The following JAZF1 variants were observed in gnomAD, a reference collection of about 807,000 sequenced individuals.
JAZF1 encodes the protein JAZF zinc finger 1, also known as juxtaposed with another zinc finger protein 1.
JAZF1 carries 8 observed loss-of-function variants against 26.4 expected under a neutral mutation model. That is an observed-to-expected ratio of 0.30 (90% CI 0.18 to 0.55). The LOEUF (loss-of-function observed/expected upper bound fraction) is 0.55. Among genes scored for constraint, JAZF1 ranks in the 20% least tolerant of loss-of-function variants. The pLI is 0.94. For synonymous variants in JAZF1, 126 were observed against 122.3 expected (o/e 1.03, Z -0.20); for missense variants, 199 against 322.0 (o/e 0.62, Z 2.92).
chr7:27,888,076 ATCT>A (rs1454443857), intron 3 of JAZF1, among the ~76,000 whole-genome samples: 2 of 152,258 alleles, frequency 1.3e-5, no homozygotes, highest in Admixed American at 6.5e-5. Context: ...ATATAGCAAC[ATCT>A]TCTCATTCTC....
chr7:27,992,362 T>G (rs1385634238), intron 1 of JAZF1: 2 of 354,802 alleles, frequency 5.6e-6, no homozygotes, highest in African/African-American at 4.4e-5. Flanking sequence ...ACAAATTAGT[T>G]TCCATTGGAA....
chr7:28,049,808 G>A (rs376320130), intron 1 of JAZF1, among the ~76,000 whole-genome samples: 14 of 152,266 alleles, frequency 9.2e-5, no homozygotes, highest in Middle Eastern at 3.4e-3. Flanking sequence ...GACGAGCTAT[G>A]GGAAAGAGGC....
intron 3 of JAZF1, among the ~76,000 whole-genome samples, chr7:27,865,454 T>A (rs1166572082): frequency 6.6e-6 from 1 of 152,158 alleles, no homozygotes; most frequent in East Asian, 1.9e-4. Flanking sequence ...AAAATGTAGT[T>A]CTTACTACTT....
intron 1 of JAZF1, among the ~76,000 whole-genome samples, chr7:28,139,110 T>C (rs930906813): frequency 2.6e-5 from 4 of 152,192 alleles, no homozygotes; most frequent in African/African-American, 7.2e-5. Context: ...TTGCCTGTAG[T>C]GACCTTGGTT....
chr7:28,018,015 G>A (rs908354747), intron 1 of JAZF1, among the ~76,000 whole-genome samples: 18 of 152,122 alleles, frequency 1.2e-4, no homozygotes, highest in Non-Finnish European at 1.9e-4. Context: ...CGGGTGATCC[G>A]CCCACCTCAG....
intron 1 of JAZF1, among the ~76,000 whole-genome samples, chr7:28,150,745 G>A (rs1783100309): frequency 6.6e-6 from 1 of 152,220 alleles, no homozygotes; most frequent in Non-Finnish European, 1.5e-5. Flanking sequence ...GTGTCCACCT[G>A]CTTCTCATGC....
At chr7:27,887,250 C>G (rs1467771902) in intron 3 of JAZF1, among the ~76,000 whole-genome samples, 2 of 152,032 alleles carry the variant, frequency 1.3e-5, no homozygotes, top group East Asian at 1.9e-4. Context: ...ATATAAGAAA[C>G]CTGCATTTGT....
At chr7:27,951,419 T>G (rs17156079) in intron 2 of JAZF1, among the ~76,000 whole-genome samples, 332 of 152,340 alleles carry the variant, frequency 2.2e-3, no homozygotes, top group African/African-American at 7.7e-3. Context: ...CTAAGGCATT[T>G]GCTGCCACAG....
intron 1 of JAZF1, among the ~76,000 whole-genome samples, chr7:28,103,487 T>G (rs1784505548): frequency 6.6e-6 from 1 of 152,062 alleles, no homozygotes; most frequent in African/African-American, 2.4e-5. Context: ...CCACTGAAGA[T>G]TATCATTTGG....
chr7:28,094,457 C>G (rs954483582), intron 1 of JAZF1, among the ~76,000 whole-genome samples: 1 of 152,218 alleles, frequency 6.6e-6, no homozygotes. Context: ...CCTATCCGCT[C>G]CGTAGCACGA....
At chr7:28,077,097 T>C (rs923229197) in intron 1 of JAZF1, among the ~76,000 whole-genome samples, 2 of 152,128 alleles carry the variant, frequency 1.3e-5, no homozygotes, top group Non-Finnish European at 2.9e-5. Flanking sequence ...ACAACGACAC[T>C]TACATTGGAA....
intron 2 of JAZF1, among the ~76,000 whole-genome samples, chr7:27,974,321 G>A (rs1233553916): frequency 6.6e-6 from 1 of 152,192 alleles, no homozygotes; most frequent in Non-Finnish European, 1.5e-5. Flanking sequence ...GAAACTTAGG[G>A]AGAGGCCACC....
intron 2 of JAZF1, among the ~76,000 whole-genome samples, chr7:27,976,344 C>CAAA (rs55992845): frequency 1.7e-4 from 14 of 80,450 alleles, no homozygotes; most frequent in East Asian, 3.6e-4. Context: ...GACTCCGTCT[C>CAAA]AAAAAAAAAA....
chr7:27,883,299 C>T (rs568020516), intron 3 of JAZF1, among the ~76,000 whole-genome samples: 3 of 152,278 alleles, frequency 2.0e-5, no homozygotes, highest in South Asian at 2.1e-4. Flanking sequence ...CACCACTAAC[C>T]GTGTTTCTAG....
At chr7:28,161,923 A>G (rs766325782) in intron 1 of JAZF1, among the ~76,000 whole-genome samples, 2 of 152,136 alleles carry the variant, frequency 1.3e-5, no homozygotes, top group Non-Finnish European at 2.9e-5. Flanking sequence ...CAAATAATAT[A>G]TAGTACCTCC....
At chr7:28,084,872 C>T (rs893520185) in intron 1 of JAZF1, among the ~76,000 whole-genome samples, 4 of 152,096 alleles carry the variant, frequency 2.6e-5, no homozygotes, top group South Asian at 2.1e-4. Flanking sequence ...AGAGGTGGGG[C>T]CTTTAAGACG....
At chr7:28,072,348 A>C (rs754551176) in intron 1 of JAZF1, among the ~76,000 whole-genome samples, 24 of 152,388 alleles carry the variant, frequency 1.6e-4, no homozygotes, top group Non-Finnish European at 2.9e-4. Flanking sequence ...TAATTAATGC[A>C]ATTAACAAAA....
intron 4 of JAZF1, among the ~76,000 whole-genome samples, chr7:27,838,580 C>T (rs899589558): frequency 1.2e-4 from 19 of 152,282 alleles, no homozygotes; most frequent in Admixed American, 3.3e-4. Flanking sequence ...GGATTCTGCC[C>T]GAGTCCACAG....
At chr7:27,905,401 C>A (rs1784236495) in intron 2 of JAZF1, among the ~76,000 whole-genome samples, 1 of 149,526 alleles carries the variant, frequency 6.7e-6, no homozygotes, top group Admixed American at 6.7e-5. Context: ...AACCTTGTAG[C>A]TTATTTTGCT....
Sources: gnomAD v4.1 joint callset for allele counts (sites outside exome capture counted in the v4.1 genomes callset) on GRCh38, gnomAD v4.1.1 for gene constraint, MANE v1.5 for transcripts, NCBI Gene and HGNC (gene_info 2026-07-23, HGNC 2026-07-21) for gene names.